The following PLXDC2 variants were observed in gnomAD, a reference collection of about 807,000 sequenced individuals.
PLXDC2 encodes plexin domain containing 2, also known as plexin domain-containing protein 2.
A neutral mutation model predicts 68.9 loss-of-function variants in PLXDC2; 40 were observed. The observed-to-expected ratio is 0.58, with a 90% CI of 0.45 to 0.76. The LOEUF (loss-of-function observed/expected upper bound fraction) is 0.76. PLXDC2 is among the 30% of genes least tolerant of loss of function. The probability of loss-of-function intolerance (pLI) is 0.00; values close to 1 mark genes in which losing one functional copy is unlikely to be tolerated. For missense variants in PLXDC2, 644 were observed against 661.9 expected (o/e 0.97, Z 0.30); for synonymous variants, 243 against 234.2 (o/e 1.04, Z -0.34).
intron 13 of PLXDC2, among the ~76,000 whole-genome samples, chr10:20,250,422 C>A (rs570357973): frequency 6.6e-6 from 1 of 152,082 alleles, no homozygotes; most frequent in African/African-American, 2.4e-5. Context: ...ATAGTAACAG[C>A]CAACATTTAT....
intron 7 of PLXDC2, among the ~76,000 whole-genome samples, chr10:20,172,679 G>T (rs1022137297): frequency 3.3e-5 from 5 of 152,032 alleles, no homozygotes; most frequent in African/African-American, 7.2e-5. Flanking sequence ...AAATGCAGCT[G>T]GTTTAAGCCA....
chr10:20,012,230 G>T (rs573314982), intron 2 of PLXDC2, among the ~76,000 whole-genome samples: 1 of 147,726 alleles, frequency 6.8e-6, no homozygotes, highest in Non-Finnish European at 1.5e-5. Context: ...TATTCAGGGA[G>T]TTATACTTCA....
chr10:20,218,056 A>G (rs1835163558), intron 11 of PLXDC2, among the ~76,000 whole-genome samples: 1 of 152,196 alleles, frequency 6.6e-6, no homozygotes. Flanking sequence ...TAACCTATAC[A>G]GAAACACTGT....
intron 7 of PLXDC2, among the ~76,000 whole-genome samples, chr10:20,165,944 G>T (rs1299192481): frequency 6.6e-6 from 1 of 152,114 alleles, no homozygotes; most frequent in African/African-American, 2.4e-5. Flanking sequence ...AGTACGTGAA[G>T]TTGGGGTGGG....
At chr10:20,270,252 A>G (rs1835921153) in intron 13 of PLXDC2, among the ~76,000 whole-genome samples, 1 of 152,064 alleles carries the variant, frequency 6.6e-6, no homozygotes, top group Non-Finnish European at 1.5e-5. Context: ...AGAGGGTAGA[A>G]TTTAGCAATC....
chr10:20,271,601 T>C (rs1588554766), intron 13 of PLXDC2, among the ~76,000 whole-genome samples: 2 of 152,132 alleles, frequency 1.3e-5, no homozygotes, highest in East Asian at 1.9e-4. Flanking sequence ...TAGAAAAATA[T>C]AGAAGATAAG....
chr10:20,005,285 T>G (rs777900019), intron 2 of PLXDC2, among the ~76,000 whole-genome samples: 5 of 152,124 alleles, frequency 3.3e-5, no homozygotes, highest in African/African-American at 2.4e-5. Context: ...ATAAAAGACT[T>G]GTTTTGAATC....
At chr10:20,097,093 G>A (rs1469701325) in intron 4 of PLXDC2, among the ~76,000 whole-genome samples, 2 of 152,104 alleles carry the variant, frequency 1.3e-5, no homozygotes, top group Non-Finnish European at 2.9e-5. Context: ...CCCACTGAGC[G>A]AGATCAGTGC....
At chr10:20,201,742 T>C (rs1834922479) in intron 9 of PLXDC2, among the ~76,000 whole-genome samples, 1 of 152,102 alleles carries the variant, frequency 6.6e-6, no homozygotes, top group Non-Finnish European at 1.5e-5. Context: ...CCATTAAATA[T>C]GTAAAATTGT....
At chr10:19,961,433 T>C (rs181901625) in intron 1 of PLXDC2, among the ~76,000 whole-genome samples, 34 of 152,362 alleles carry the variant, frequency 2.2e-4, no homozygotes, top group Admixed American at 1.2e-3. Context: ...CTGACACAAG[T>C]GTCACATTAA....
intron 3 of PLXDC2, among the ~76,000 whole-genome samples, chr10:20,052,365 C>T (rs1030313991): frequency 1.3e-5 from 2 of 151,894 alleles, no homozygotes; most frequent in Non-Finnish European, 2.9e-5. Flanking sequence ...TCCATTGTGA[C>T]TTTCTGAGAA....
At chr10:19,873,343 A>G (rs1301683919) in intron 1 of PLXDC2, among the ~76,000 whole-genome samples, 1 of 151,630 alleles carries the variant, frequency 6.6e-6, no homozygotes, top group Non-Finnish European at 1.5e-5. Context: ...TTAGATTTAA[A>G]GGGAGTGTGT....
intron 9 of PLXDC2, among the ~76,000 whole-genome samples, chr10:20,190,723 G>T (rs960501721): frequency 1.3e-5 from 2 of 151,618 alleles, no homozygotes; most frequent in Admixed American, 6.6e-5. Flanking sequence ...TTTATGGTTT[G>T]ATTATTTGTT....
intron 7 of PLXDC2, among the ~76,000 whole-genome samples, chr10:20,165,285 T>TC: frequency 6.6e-6 from 1 of 152,294 alleles, no homozygotes; most frequent in Non-Finnish European, 1.5e-5. Flanking sequence ...TTTCTTTCTT[T>TC]TATTATTGTA....
intron 1 of PLXDC2, among the ~76,000 whole-genome samples, chr10:19,906,747 T>C (rs549235770): frequency 3.6e-4 from 55 of 152,156 alleles, no homozygotes; most frequent in South Asian, 1.5e-3. Context: ...ACATACTTAA[T>C]GCTGTGTACG....
At chr10:20,032,603 G>A (rs544169924) in intron 2 of PLXDC2, among the ~76,000 whole-genome samples, 1 of 152,240 alleles carries the variant, frequency 6.6e-6, no homozygotes, top group Non-Finnish European at 1.5e-5. Flanking sequence ...GAGCAAGTGT[G>A]ATTGTTTTTT....
intron 1 of PLXDC2, among the ~76,000 whole-genome samples, chr10:19,912,443 A>G (rs1833290875): frequency 6.6e-6 from 1 of 152,186 alleles, no homozygotes; most frequent in Admixed American, 6.5e-5. Flanking sequence ...AGGTGAATAT[A>G]CAAGCTAGTT....
chr10:19,973,336 G>C (rs1315478544), intron 1 of PLXDC2, among the ~76,000 whole-genome samples: 2 of 146,214 alleles, frequency 1.4e-5, no homozygotes, highest in South Asian at 4.3e-4. Flanking sequence ...ACATATATAT[G>C]TGTATATATG....
intron 12 of PLXDC2, among the ~76,000 whole-genome samples, chr10:20,244,608 T>C (rs777690345): frequency 2.3e-4 from 35 of 152,332 alleles, no homozygotes; most frequent in Non-Finnish European, 4.4e-4. Context: ...AAAATGCCTA[T>C]AGAGCTTATC....
Sources: allele counts gnomAD v4.1 joint callset (sites outside exome capture counted in the v4.1 genomes callset), GRCh38; gene constraint gnomAD v4.1.1; transcripts MANE v1.5; gene names NCBI Gene and HGNC (gene_info 2026-07-23, HGNC 2026-07-21).